The following RHOU variants were observed in gnomAD, a reference collection of about 807,000 sequenced individuals.
The protein encoded by RHOU is rho-related GTP-binding protein RhoU.
RHOU carries 8 observed loss-of-function variants against 12.6 expected under a neutral mutation model. That is an observed-to-expected ratio of 0.64 (90% CI 0.37 to 1.15). RHOU has a LOEUF of 1.15. RHOU is among the 50% of genes most tolerant of loss of function. RHOU has a pLI of 0.01. For synonymous variants in RHOU, 161 were observed against 147.4 expected (o/e 1.09, Z -0.67); for missense variants, 258 against 347.0 (o/e 0.74, Z 2.04).
chr1:228,741,309 T>G (rs180859708), intron 2 of RHOU, among the ~76,000 whole-genome samples: 3 of 152,292 alleles, frequency 2.0e-5, no homozygotes. Flanking sequence ...AGATTTCAGG[T>G]CAGGCACTGA....
At position 228,743,057 on chromosome 1, in the gene RHOU, T is replaced by C. The variant is rs1662756846; in HGVS notation, c.322-228T>C. Among the ~76,000 whole-genome samples, 1 of 152,198 alleles carries C rather than the reference T, an allele frequency of 6.6e-6. No individual in the cohort carries two copies. The highest frequency in any genetic ancestry group is 2.4e-5 in the African/African-American group (1 of 41,454). On this transcript the variant is annotated intron_variant, in intron 2 of 2. Transcript: ENST00000366691. This position sits in a 1 kb window ranked among gnomAD's most constrained non-coding sequence, Gnocchi z 5.1. The stretch of plus-strand genomic sequence containing the variant: ...TGAACACGTTGAACATGTTTGGCAG[T>C]GTTCAGACCATAGCTGGCCCTGAAA...
the RHOU span, among the ~76,000 whole-genome samples, chr1:228,685,418 T>C: frequency 6.6e-6 from 1 of 152,082 alleles, no homozygotes; most frequent in African/African-American, 2.4e-5. Flanking sequence ...ACTTGGAAAC[T>C]GAAACTCAGA....
the RHOU span, among the ~76,000 whole-genome samples, chr1:228,660,731 T>C: frequency 0.61 from 91,533 of 151,168 alleles, 30,094 homozygotes; most frequent in African/African-American, 0.88. Context: ...GTTGGGAGTT[T>C]GAGACCAACC....
the RHOU span, among the ~76,000 whole-genome samples, chr1:228,672,040 C>A: frequency 2.0e-5 from 3 of 152,172 alleles, no homozygotes; most frequent in South Asian, 4.1e-4. Context: ...GCACACAAAT[C>A]AAAAGAGTTC....
rs1296030847 is a variant in RHOU at position 228,746,353 on chromosome 1, G to A, written c.*2613G>A. On this transcript the variant is annotated 3_prime_UTR_variant, in exon 3 of 3. Transcript: ENST00000366691. ...TTTTGCTTTAGAGAATGCCACTTTG[G>A]CTGAACTACAAGTGTAGGCCACCAT... 2 of 152,212 alleles carry A rather than the reference G, an allele frequency of 1.3e-5. No individual in the cohort carries two copies. Among genetic ancestry groups the A allele is most frequent in the South Asian group, 2.1e-4 (1 of 4,828 alleles). The allele number at this position is 152,212 out of a possible 1,614,324, so 9.4% of individuals were successfully genotyped here.
chr1:228,735,804 C>T lies in RHOU; in HGVS notation c.62C>T (p.Pro21Leu), dbSNP rs1395887948. ...PDRCEAPPVP[P>L]RRERGGRGGR... ...CGCTGCGAGGCGCCTCCGGTGCCGC[C>T]GCGTCGGGAGCGCGGTGGACGCGGG... The change falls in exon 1 of 3, where the codon CCG becomes CTG. Residue 21 changes from proline (P) to leucine (L), a missense_variant. By Grantham distance (98) the Pro-to-Leu change is moderately conservative (BLOSUM62 -3). Transcript: ENST00000366691. This position sits in a 1 kb window ranked among gnomAD's most constrained non-coding sequence, Gnocchi z 8.1. 287 of 1,219,170 alleles carry T rather than the reference C, an allele frequency of 2.4e-4. No individual in the cohort carries two copies. Among genetic ancestry groups the T allele is most frequent in the Non-Finnish European group, 2.8e-4 (275 of 981,054 alleles). 75.5% of individuals were successfully genotyped at this position (1,219,170 alleles called of 1,614,324 possible). A position where few individuals can be genotyped will look rare whatever the true frequency, so the allele number is the denominator to read the frequency against.
the RHOU span, among the ~76,000 whole-genome samples, chr1:228,696,622 G>C: frequency 2.6e-5 from 4 of 152,040 alleles, no homozygotes; most frequent in Non-Finnish European, 5.9e-5. Context: ...TCACAGCTCA[G>C]TGCAGCCTTG....
chr1:228,683,506 A>G, the RHOU span, among the ~76,000 whole-genome samples: 1 of 152,250 alleles, frequency 6.6e-6, no homozygotes, highest in Non-Finnish European at 1.5e-5. Flanking sequence ...CAAATTTTCC[A>G]TTTGGGAAAT....
At chr1:228,688,101 A>C in the RHOU span, among the ~76,000 whole-genome samples, 1 of 151,694 alleles carries the variant, frequency 6.6e-6, no homozygotes, top group Admixed American at 6.6e-5. Context: ...TTTGTTGTTC[A>C]CGGATGGGTC....
chr1:228,707,169 C>A, the RHOU span, among the ~76,000 whole-genome samples: 2 of 115,822 alleles, frequency 1.7e-5, no homozygotes, highest in Admixed American at 9.6e-5. Context: ...CATACACACA[C>A]ATATATTAAC....
chr1:228,649,003 A>C, the RHOU span, among the ~76,000 whole-genome samples: 7 of 152,062 alleles, frequency 4.6e-5, no homozygotes, highest in Non-Finnish European at 8.8e-5. Flanking sequence ...ACCTTGTACT[A>C]AAGGCGCGCA....
At chr1:228,675,375 T>G in the RHOU span, among the ~76,000 whole-genome samples, 1 of 152,184 alleles carries the variant, frequency 6.6e-6, no homozygotes, top group African/African-American at 2.4e-5. Flanking sequence ...TGTAGCTACT[T>G]TTGTTTATTT....
the RHOU span, among the ~76,000 whole-genome samples, chr1:228,662,105 A>G: frequency 6.6e-6 from 1 of 152,266 alleles, no homozygotes; most frequent in South Asian, 2.1e-4. Flanking sequence ...GTCATCAGAG[A>G]AATGCAAATC....
At chr1:228,692,832 T>C in the RHOU span, among the ~76,000 whole-genome samples, 1 of 151,996 alleles carries the variant, frequency 6.6e-6, no homozygotes, top group African/African-American at 2.4e-5. Context: ...AATAAAGCAA[T>C]TAGGAAATGG....
chr1:228,704,366 G>A, the RHOU span, among the ~76,000 whole-genome samples: 1 of 152,146 alleles, frequency 6.6e-6, no homozygotes, highest in African/African-American at 2.4e-5. Context: ...AATTGATTGA[G>A]ACCTGTCTCA....
chr1:228,653,704 C>T, the RHOU span, among the ~76,000 whole-genome samples: 1 of 152,218 alleles, frequency 6.6e-6, no homozygotes, highest in African/African-American at 2.4e-5. Context: ...AATCCTCCCA[C>T]CTTGGTCTCC....
At chr1:228,707,130 A>ATATATGTG in the RHOU span, among the ~76,000 whole-genome samples, 2 of 110,186 alleles carry the variant, frequency 1.8e-5, no homozygotes, top group East Asian at 5.7e-4. Flanking sequence ...ATATATACAT[A>ATATATGTG]TATATATATA....
At chr1:228,714,987 C>G in the RHOU span, among the ~76,000 whole-genome samples, 1 of 152,020 alleles carries the variant, frequency 6.6e-6, no homozygotes, top group African/African-American at 2.4e-5. Flanking sequence ...CGTGATCTGC[C>G]TGCCTCAGCC....
At chr1:228,718,757 G>T in the RHOU span, among the ~76,000 whole-genome samples, 1 of 152,192 alleles carries the variant, frequency 6.6e-6, no homozygotes, top group Non-Finnish European at 1.5e-5. Context: ...AGAGTCTAAG[G>T]TGTGAACCAG....
Sources: gnomAD v4.1 joint callset for allele counts (sites outside exome capture counted in the v4.1 genomes callset) on GRCh38, gnomAD v4.1.1 for gene constraint, Gnocchi (gnomAD v3.1) non-coding constraint, MANE v1.5 for transcripts, NCBI Gene and HGNC (gene_info 2026-07-23, HGNC 2026-07-21) for gene names.